Variants in SCIN observed in about 807,000 individuals in gnomAD.
SCIN encodes scinderin, also known as adseverin.
In SCIN, 91 loss-of-function variants were observed where a neutral mutation model predicts 91.8. That is an observed-to-expected ratio of 0.99 (90% confidence interval 0.84 to 1.18). The LOEUF (loss-of-function observed/expected upper bound fraction) is 1.18. Among genes scored for constraint, SCIN ranks in the 50% most tolerant of loss-of-function variants. The pLI is 0.00. For synonymous variants in SCIN, 367 were observed against 312.6 expected, an observed-to-expected ratio of 1.17 and a Z score of -1.84; for missense variants, 1,087 against 863.9, an observed-to-expected ratio of 1.26 and a Z score of -3.24.
chr7:12,649,392 C>G, intron 13 of SCIN, 75 bp from the exon 14 acceptor site: 1 of 816,534 alleles, frequency 1.2e-6, no homozygotes. Context: ...AAAAAAAATA[C>G]AGGGCATTTC....
Position 12,644,708 on chromosome 7 carries a change from A to G in SCIN, c.1881+3A>G, listed in dbSNP as rs1783924706. The G allele has an allele frequency of 1.3e-6, 2 of 1,555,990 alleles. No individual in the cohort carries two copies. Among genetic ancestry groups the G allele is most frequent in the African/African-American group, 1.4e-5 (1 of 73,232 alleles). ...CTAACAAAACTGGAAGATTTGTTGT[A>G]AGTGTCCTTAAAAATAGTGCGATAG... is the stretch of plus-strand genomic sequence containing the variant. On this transcript the variant is annotated splice_donor_region_variant and intron_variant, in intron 13 of 15. Transcript: ENST00000297029.
At chr7:12,608,800 C>A (rs1400540856) in intron 4 of SCIN, among the ~76,000 whole-genome samples, 4 of 152,112 alleles carry the variant, frequency 2.6e-5, no homozygotes, top group African/African-American at 7.2e-5. Context: ...TTAAAAGACT[C>A]ATTTCTAATG....
Position 12,644,891 on chromosome 7 carries a change from G to C in SCIN, c.1881+186G>C, listed in dbSNP as rs565174341. Among the ~76,000 whole-genome samples, 7 of 151,822 alleles carry C rather than the reference G, an allele frequency of 4.6e-5. 1 individual carries two copies. Among genetic ancestry groups the C allele is most frequent in the African/African-American group, 1.7e-4 (7 of 41,360 alleles). ...TAGCTGGATGTGGTGGTGCACACTT[G>C]TAATTCAAGCTACTCGGGAGGCTTG... On this transcript the variant is annotated intron_variant, in intron 13 of 15. Transcript: ENST00000297029.
chr7:12,578,158 A>G lies in SCIN; in HGVS notation c.294A>G (p.Glu98=), dbSNP rs1254855078. The part of the protein sequence containing the change: ...YLGGKPVQNR[E]LQGYESNDFV... ...GTGGCAAGCCAGTGCAGAATAGAGA[A>G]CTTCAAGGATATGAGTCTAATGACT... The change falls in exon 2 of 16, where the codon GAA becomes GAG. Residue 98 remains glutamate, a synonymous_variant. Transcript: ENST00000297029. 5 of 1,551,062 alleles carry G rather than the reference A, an allele frequency of 3.2e-6. No individual in the cohort carries two copies. Among genetic ancestry groups the G allele is most frequent in the South Asian group, 2.4e-5 (2 of 83,878 alleles).
At chr7:12,608,950 A>T (rs574160293) in intron 4 of SCIN, among the ~76,000 whole-genome samples, 11 of 152,268 alleles carry the variant, frequency 7.2e-5, no homozygotes, top group African/African-American at 2.6e-4. Flanking sequence ...GAAATTTTTG[A>T]ACTTGTCTAA....
chr7:12,646,014 T>C (rs922339219), intron 13 of SCIN, among the ~76,000 whole-genome samples: 2 of 152,318 alleles, frequency 1.3e-5, no homozygotes, highest in Middle Eastern at 3.4e-3. Flanking sequence ...GTAAAAATTT[T>C]CACCATATTG....
chr7:12,591,655 A>G (rs1211234096), intron 3 of SCIN, among the ~76,000 whole-genome samples: 1 of 152,046 alleles, frequency 6.6e-6, no homozygotes, highest in East Asian at 1.9e-4. Flanking sequence ...GTTCATTGGG[A>G]GGGCCTTTGG....
At chr7:12,619,462 C>G (rs113863718) in intron 4 of SCIN, among the ~76,000 whole-genome samples, 1,726 of 152,256 alleles carry the variant, frequency 0.011, 37 homozygotes, top group African/African-American at 0.039. Flanking sequence ...TGTTTCTTGG[C>G]TGCCTGATCC....
intron 1 of SCIN, among the ~76,000 whole-genome samples, chr7:12,575,134 A>G (rs1782342941): frequency 6.6e-6 from 1 of 152,014 alleles, no homozygotes; most frequent in Non-Finnish European, 1.5e-5. Flanking sequence ...CAGTTTCAGC[A>G]TGTTCATTGT....
Position 12,570,850 on chromosome 7 carries a change from T to C in SCIN, c.64T>C (p.Trp22Arg), listed in dbSNP as rs1475002945. 6 of 1,551,466 alleles carry C rather than the reference T, an allele frequency of 3.9e-6. No homozygotes were observed. Among genetic ancestry groups the C allele is most frequent in the Non-Finnish European group, 5.2e-6 (6 of 1,146,980 alleles). Residue 22 changes from tryptophan to arginine, a missense_variant, in exon 1 of 16, where the codon TGG becomes CGG. By Grantham distance (101) the Trp-to-Arg change is moderately radical. Transcript: ENST00000297029. ...GGGCAAGCAGGCGGGGCTGCAGGTCTGGAGGATTGAGAAGCTGGAGCTGGT... is the reference window on the plus strand; with the variant it reads ...GGGCAAGCAGGCGGGGCTGCAGGTCCGGAGGATTGAGAAGCTGGAGCTGGT... ...RAGKQAGLQVWRIEKLELVPV... is the reference protein window; with the variant it reads ...RAGKQAGLQVRRIEKLELVPV...
At chr7:12,585,077 C>T (rs1782559700) in intron 3 of SCIN, among the ~76,000 whole-genome samples, 1 of 152,134 alleles carries the variant, frequency 6.6e-6, no homozygotes. Flanking sequence ...ATGATCACGC[C>T]CTCTCCCATT....
intron 4 of SCIN, among the ~76,000 whole-genome samples, chr7:12,615,456 C>T (rs894809815): frequency 1.4e-4 from 22 of 152,142 alleles, no homozygotes; most frequent in East Asian, 5.8e-4. Flanking sequence ...ATGTAAAATG[C>T]GCCTTGCTTC....
At position 12,657,547 on chromosome 7, in the gene SCIN, TATATATATATATATATATATA is replaced by T. The variant is rs1784184426; in HGVS notation, c.*4833_*4853del. On this transcript the variant is annotated 3_prime_UTR_variant, in exon 16 of 16. Coordinates refer to ENST00000297029, the MANE Select transcript of SCIN (RefSeq NM_001112706.3). ...TTTTATATATGTGTGTGTATATATA[TATATATATATATATATATATA>T]TATATTTTTTTTTTTTTTTTTTTTT... The T allele has an allele frequency of 4.9e-5, 1 of 20,456 alleles. No homozygotes were observed. Among genetic ancestry groups the T allele is most frequent in the Admixed American group, 6.2e-4 (1 of 1,602 alleles). The allele number at this position is 20,456 out of a possible 1,614,324, so 1.3% of individuals were successfully genotyped here.
chr7:12,612,909 A>G (rs1397099675), intron 4 of SCIN, among the ~76,000 whole-genome samples: 1 of 152,220 alleles, frequency 6.6e-6, no homozygotes, highest in African/African-American at 2.4e-5. Context: ...CTTACAGACA[A>G]GGTACCACTG....
chr7:12,610,294 G>T (rs1250791744), intron 4 of SCIN, among the ~76,000 whole-genome samples: 1 of 152,186 alleles, frequency 6.6e-6, no homozygotes, highest in Non-Finnish European at 1.5e-5. Context: ...TGATCTGGCT[G>T]TCCTGTTAGT....
chr7:12,651,806 G>C lies in SCIN; in HGVS notation c.1960-35G>C. On this transcript the variant is annotated intron_variant, in intron 14 of 15. Coordinates refer to ENST00000297029, the MANE Select transcript of SCIN (RefSeq NM_001112706.3). The surrounding 1 kb of genome is among the most constrained non-coding windows in gnomAD (Gnocchi z 5.9). ...GGCCTAGCACTGAGTCAACATCCCA[G>C]AAATCATACATATTGTTATTGTTTC... 2 of 1,392,968 alleles carry C rather than the reference G, an allele frequency of 1.4e-6. No homozygotes were observed. The highest frequency in any genetic ancestry group is 2.0e-6 in the Non-Finnish European group (2 of 997,776). The allele number at this position is 1,392,968 out of a possible 1,614,324, so 86.3% of individuals were successfully genotyped here.
intron 10 of SCIN, among the ~76,000 whole-genome samples, chr7:12,638,385 G>T (rs1353430626): frequency 6.6e-6 from 1 of 152,140 alleles, no homozygotes; most frequent in Non-Finnish European, 1.5e-5. Context: ...GAAGCCATCT[G>T]CTCCCATCTG....
At chr7:12,625,934 G>C in intron 7 of SCIN, 84 bp downstream of exon 7, 2 of 949,148 alleles carry the variant, frequency 2.1e-6, no homozygotes, top group South Asian at 3.4e-5. Flanking sequence ...AAAAAGTTTG[G>C]GTCAAAGTAA....
chr7:12,608,889 A>C (rs951267509), intron 4 of SCIN, among the ~76,000 whole-genome samples: 1 of 152,192 alleles, frequency 6.6e-6, no homozygotes, highest in African/African-American at 2.4e-5. Flanking sequence ...GAAAGCACGG[A>C]TATTTTAATC....
Sources: gnomAD v4.1 joint callset for allele counts (sites outside exome capture counted in the v4.1 genomes callset) on GRCh38, gnomAD v4.1.1 for gene constraint, Gnocchi (gnomAD v3.1) non-coding constraint, MANE v1.5 for transcripts, NCBI Gene and HGNC (gene_info 2026-07-23, HGNC 2026-07-21) for gene names.